KLHL3: variants seen among roughly 807,000 people sequenced by gnomAD.
KLHL3 encodes the protein kelch like family member 3.
Under a neutral mutation model 70.5 loss-of-function variants are expected in KLHL3, and 19 were observed. The observed-to-expected ratio is 0.27, with a 90% CI of 0.19 to 0.40. The LOEUF (loss-of-function observed/expected upper bound fraction) is 0.40. KLHL3 is among the 10% of genes least tolerant of loss of function. KLHL3 has a pLI of 1.00. For synonymous variants in KLHL3, 258 were observed against 290.3 expected, an observed-to-expected ratio of 0.89 and a Z score of 1.13; for missense variants, 512 against 771.1, an observed-to-expected ratio of 0.66 and a Z score of 3.98.
chr5:137,626,285 A>G (rs1415725411), intron 13 of KLHL3, among the ~76,000 whole-genome samples: 2 of 152,176 alleles, frequency 1.3e-5, no homozygotes, highest in East Asian at 3.9e-4. Flanking sequence ...AGGGGACTTC[A>G]TGCATGCTAC....
chr5:137,622,213 G>T, intron 14 of KLHL3, 87 bp from the exon 15 acceptor site: 1 of 1,456,904 alleles, frequency 6.9e-7, no homozygotes, highest in Non-Finnish European at 9.6e-7. Context: ...AAGATATCCT[G>T]AGTCACAGCC....
rs1750874614 is a variant in KLHL3 at position 137,640,073 on chromosome 5, G to A, written c.904-96C>T. 5 of 1,024,616 alleles carry A rather than the reference G, an allele frequency of 4.9e-6. No individual in the cohort carries two copies. In the East Asian group the frequency reaches 9.6e-5, roughly 20 times the overall value. The allele number at this position is 1,024,616 out of a possible 1,614,324, so 63.5% of individuals were successfully genotyped here. A position where few individuals can be genotyped will look rare whatever the true frequency, so the allele number is the denominator to read the frequency against. ...ACATGGCTTATCGCCCAGGGTGTGT[G>A]GATGATCTGAGATGCCAGTTTACAG... On this transcript the variant is annotated intron_variant, in intron 8 of 14. Coordinates refer to ENST00000309755, the MANE Select transcript of KLHL3 (RefSeq NM_017415.3).
At position 137,716,211 on chromosome 5, in the gene KLHL3, T is replaced by C. The variant is rs775536630; in HGVS notation, c.134+4254A>G. Among the ~76,000 whole-genome samples, 3 of 152,018 alleles carry C rather than the reference T, an allele frequency of 2.0e-5. 1 individual carries two copies. The highest frequency in any genetic ancestry group is 6.8e-3 in the Middle Eastern group (2 of 292). On this transcript the variant is annotated intron_variant, in intron 2 of 14. Transcript: ENST00000309755. ...TATAGTGTTAAGTTAGGTTGAGACG[T>C]AAATTTCTTTTTTTTTTTTTAATGA... is the stretch of plus-strand genomic sequence containing the variant.
intron 3 of KLHL3, among the ~76,000 whole-genome samples, chr5:137,700,878 C>A (rs1314167005): frequency 1.3e-5 from 2 of 152,054 alleles, no homozygotes; most frequent in Admixed American, 6.6e-5. Flanking sequence ...TTTAAATGGG[C>A]CCTAAAAATA....
At chr5:137,705,746 C>G (rs777584483) in intron 3 of KLHL3, among the ~76,000 whole-genome samples, 6 of 152,062 alleles carry the variant, frequency 3.9e-5, no homozygotes, top group Non-Finnish European at 7.4e-5. Flanking sequence ...GGCAGGGACC[C>G]ATATGGAGTA....
In KLHL3 at chr5:137,731,027, GA is replaced by G. The variant is rs35709180; in HGVS notation, c.14+4605del. On this transcript the variant is annotated intron_variant, in intron 1 of 14. Coordinates refer to ENST00000309755, the MANE Select transcript of KLHL3 (RefSeq NM_017415.3). ...TAGTTTGAACATTCATCCAGAAATT[GA>G]AAAAAAAAAATAGGTCAGTTTGATG... Among the ~76,000 whole-genome samples, 41 of 145,254 alleles carry G rather than the reference GA, an allele frequency of 2.8e-4. 1 individual carries two copies. Among genetic ancestry groups the G allele is most frequent in the East Asian group, 1.6e-3 (8 of 5,106 alleles).
chr5:137,667,070 A>G (rs1277577317), intron 6 of KLHL3, among the ~76,000 whole-genome samples: 2 of 152,210 alleles, frequency 1.3e-5, no homozygotes, highest in Admixed American at 6.5e-5. Context: ...GGGGGGTTGC[A>G]AACTGCTGCC....
chr5:137,630,735 G>C (rs546164393), intron 12 of KLHL3, among the ~76,000 whole-genome samples: 1 of 152,266 alleles, frequency 6.6e-6, no homozygotes, highest in East Asian at 1.9e-4. Flanking sequence ...AGGAATTAGA[G>C]GCCAGAATAA....
At chr5:137,677,463 A>T in intron 6 of KLHL3, 82 bp downstream of exon 6, 1 of 795,836 alleles carries the variant, frequency 1.3e-6, no homozygotes, top group Non-Finnish European at 2.1e-6. Context: ...AAAAGAAAAG[A>T]AAAGATCTCA....
chr5:137,678,429 G>A (rs1017261778), intron 5 of KLHL3, among the ~76,000 whole-genome samples: 2 of 152,200 alleles, frequency 1.3e-5, no homozygotes, highest in Non-Finnish European at 2.9e-5. Flanking sequence ...TATATTCACT[G>A]AAATGTCATC....
intron 10 of KLHL3, among the ~76,000 whole-genome samples, chr5:137,638,059 T>C (rs1750814561): frequency 6.6e-6 from 1 of 152,224 alleles, no homozygotes; most frequent in African/African-American, 2.4e-5. Context: ...GCTTCTTGTT[T>C]CATGAGTAAA....
At chr5:137,646,314 G>C (rs891543206) in intron 8 of KLHL3, among the ~76,000 whole-genome samples, 2 of 152,100 alleles carry the variant, frequency 1.3e-5, no homozygotes, top group African/African-American at 4.8e-5. Context: ...GGAGAAAGAG[G>C]AACTCTTATA....
chr5:137,695,218 G>A (rs1322188218), intron 4 of KLHL3, among the ~76,000 whole-genome samples: 3 of 152,128 alleles, frequency 2.0e-5, no homozygotes, highest in African/African-American at 7.2e-5. Context: ...TCCCTGGATA[G>A]AGCTACCCAC....
intron 12 of KLHL3, among the ~76,000 whole-genome samples, chr5:137,633,731 T>C (rs560880926): frequency 6.6e-5 from 10 of 152,342 alleles, no homozygotes; most frequent in Admixed American, 2.6e-4. Flanking sequence ...AAATACTGCA[T>C]GTTCTCACTT....
chr5:137,638,833 G>A (rs1289309019), intron 10 of KLHL3, 120 bp downstream of exon 10: 5 of 917,484 alleles, frequency 5.4e-6, no homozygotes, highest in African/African-American at 3.3e-5. Context: ...GAGTGGATAT[G>A]TCCCTGGGGC....
chr5:137,679,695 C>T (rs1751978282), intron 5 of KLHL3, among the ~76,000 whole-genome samples: 1 of 152,232 alleles, frequency 6.6e-6, no homozygotes, highest in African/African-American at 2.4e-5. Context: ...CCACCTCCAT[C>T]TCTCTGTCCC....
chr5:137,722,117 G>A (rs762010537), intron 1 of KLHL3, among the ~76,000 whole-genome samples: 1 of 152,220 alleles, frequency 6.6e-6, no homozygotes, highest in African/African-American at 2.4e-5. Flanking sequence ...TCCCTAGTGA[G>A]CCTCTATCCA....
intron 1 of KLHL3, among the ~76,000 whole-genome samples, chr5:137,730,614 A>C (rs1183888200): frequency 6.6e-6 from 1 of 152,362 alleles, no homozygotes; most frequent in African/African-American, 2.4e-5. Flanking sequence ...GCTTTCTTTA[A>C]AACTCAAGGG....
chr5:137,670,987 CA>C (rs1656290606), intron 6 of KLHL3, among the ~76,000 whole-genome samples: 3 of 130,862 alleles, frequency 2.3e-5, no homozygotes, highest in Non-Finnish European at 3.3e-5. Flanking sequence ...AAAAAAAAAA[CA>C]ACAACAAAAA....
Sources: allele counts gnomAD v4.1 joint callset (sites outside exome capture counted in the v4.1 genomes callset), GRCh38; gene constraint gnomAD v4.1.1; transcripts MANE v1.5; gene names NCBI Gene and HGNC (gene_info 2026-07-23, HGNC 2026-07-21).